KCNN2: variants seen among roughly 807,000 people sequenced by gnomAD.
KCNN2 encodes small conductance calcium-activated potassium channel protein 2.
A neutral mutation model predicts 55.5 loss-of-function variants in KCNN2; 24 were observed. The observed-to-expected ratio is 0.43, with a 90% CI of 0.31 to 0.61. The LOEUF is 0.61. Among genes scored for constraint, KCNN2 ranks in the 20% least tolerant of loss-of-function variants. The pLI, the probability that KCNN2 is intolerant of heterozygous loss-of-function variation, is 0.08. For synonymous variants in KCNN2, 431 were observed against 336.1 expected (o/e 1.28, Z -3.09); for missense variants, 754 against 853.6 (o/e 0.88, Z 1.45).
At chr5:114,490,657 G>A in intron 6 of KCNN2, 2 of 397,884 alleles carry the variant, frequency 5.0e-6, no homozygotes, top group Non-Finnish European at 8.9e-6. Flanking sequence ...CTTTTCTTTT[G>A]TTTTGTCTTT....
chr5:114,289,680 A>G (rs912786911), intron 2 of KCNN2, among the ~76,000 whole-genome samples: 1 of 152,136 alleles, frequency 6.6e-6, no homozygotes, highest in Non-Finnish European at 1.5e-5. Context: ...CCTGGCCTGA[A>G]TCAACTTTTC....
At chr5:114,395,526 T>C (rs1340873203) in intron 2 of KCNN2, among the ~76,000 whole-genome samples, 1 of 152,216 alleles carries the variant, frequency 6.6e-6, no homozygotes, top group Non-Finnish European at 1.5e-5. Context: ...ATATTAGTTC[T>C]TCTCATTACT....
At chr5:114,414,240 G>A (rs1006902734) in intron 3 of KCNN2, among the ~76,000 whole-genome samples, 2 of 152,112 alleles carry the variant, frequency 1.3e-5, no homozygotes, top group Non-Finnish European at 2.9e-5. Context: ...ATATCTTGCT[G>A]AGCTTCGATG....
intron 1 of KCNN2, among the ~76,000 whole-genome samples, chr5:114,194,051 C>G (rs1369348022): frequency 2.6e-5 from 4 of 152,058 alleles, no homozygotes; most frequent in Admixed American, 1.3e-4. Flanking sequence ...TCCCCTTCAT[C>G]CTATTCATCA....
chr5:114,418,382 C>T (rs1561618454), intron 3 of KCNN2, among the ~76,000 whole-genome samples: 1 of 152,210 alleles, frequency 6.6e-6, no homozygotes, highest in African/African-American at 2.4e-5. Context: ...TTCACAGAAA[C>T]GTGACAGGCA....
At chr5:114,393,605 A>G (rs1232185978) in intron 2 of KCNN2, among the ~76,000 whole-genome samples, 1 of 152,104 alleles carries the variant, frequency 6.6e-6, no homozygotes, top group Non-Finnish European at 1.5e-5. Flanking sequence ...TAAATATTAT[A>G]TAATTAAAAG....
chr5:114,409,345 T>G (rs1047241674), intron 3 of KCNN2, among the ~76,000 whole-genome samples: 13 of 152,188 alleles, frequency 8.5e-5, no homozygotes, highest in Non-Finnish European at 1.8e-4. Flanking sequence ...AAAAAAATTG[T>G]TTTTCCGTAA....
chr5:114,352,047 C>T (rs1757214526), intron 2 of KCNN2, among the ~76,000 whole-genome samples: 1 of 151,754 alleles, frequency 6.6e-6, no homozygotes, highest in Non-Finnish European at 1.5e-5. Flanking sequence ...CCAGCGAAGC[C>T]AACAGGGCCT....
intron 1 of KCNN2, among the ~76,000 whole-genome samples, chr5:114,141,557 G>A (rs1487237301): frequency 6.6e-6 from 1 of 152,142 alleles, no homozygotes; most frequent in Non-Finnish European, 1.5e-5. Flanking sequence ...TTGGTTCCAA[G>A]TCTTTGCTAT....
At chr5:114,281,625 CTG>C (rs10579037) in intron 2 of KCNN2, among the ~76,000 whole-genome samples, 81,674 of 145,034 alleles carry the variant, frequency 0.56, 22,835 homozygotes, top group East Asian at 0.82. Flanking sequence ...CCCTCCATCT[CTG>C]TGTGTGTGTG....
At chr5:114,474,892 GAAA>G (rs560628518) in intron 5 of KCNN2, among the ~76,000 whole-genome samples, 1 of 142,466 alleles carries the variant, frequency 7.0e-6, no homozygotes, top group South Asian at 2.2e-4. Flanking sequence ...AATCTTAACA[GAAA>G]AAAAAAAAGT....
intron 1 of KCNN2, among the ~76,000 whole-genome samples, chr5:114,132,687 T>C (rs1425048584): frequency 2.0e-5 from 3 of 152,148 alleles, no homozygotes; most frequent in African/African-American, 7.2e-5. Context: ...ATTGAAATGA[T>C]TGAGGGATAA....
At chr5:114,291,461 T>G (rs895812116) in intron 2 of KCNN2, among the ~76,000 whole-genome samples, 4 of 152,196 alleles carry the variant, frequency 2.6e-5, no homozygotes, top group Admixed American at 2.0e-4. Flanking sequence ...GTCCTTGCAA[T>G]AGTTTGCTGA....
intron 2 of KCNN2, among the ~76,000 whole-genome samples, chr5:114,311,009 G>A (rs758752701): frequency 2.0e-4 from 31 of 152,154 alleles, no homozygotes; most frequent in Admixed American, 4.6e-4. Flanking sequence ...CCTCATACAA[G>A]CCTAGAAATG....
chr5:114,301,937 G>A (rs985725367), intron 2 of KCNN2, among the ~76,000 whole-genome samples: 2 of 152,104 alleles, frequency 1.3e-5, no homozygotes, highest in African/African-American at 4.8e-5. Context: ...AAATCCTTGC[G>A]AGATATGAAT....
intron 5 of KCNN2, 94 bp downstream of exon 5, chr5:114,473,258 A>G (rs1432837207): frequency 1.2e-6 from 1 of 817,106 alleles, no homozygotes; most frequent in Non-Finnish European, 2.0e-6. Context: ...CGAAGCTGAA[A>G]TGACATGGTT....
rs77674101 is a variant in KCNN2, at chr5:114,288,777, T to C, written c.-185+67212T>C. On this transcript the variant is annotated intron_variant, in intron 2 of 10. Transcript: ENST00000512097. ...CTAGAGAATAAACCCTTGTTAGATA[T>C]ATGATTTGCAAATATTTTCACGCAT... Among the ~76,000 whole-genome samples, 253 of 152,304 alleles carry C rather than the reference T, an allele frequency of 1.7e-3. 1 individual carries two copies. The highest frequency in any genetic ancestry group is 5.9e-3 in the African/African-American group (246 of 41,566).
At position 114,456,598 on chromosome 5, in the gene KCNN2, T is replaced by C. The variant is rs182482499; in HGVS notation, c.1638-6451T>C. The stretch of plus-strand genomic sequence containing the variant: ...AAAATACATTTTGTAAGGCTATAGC[T>C]GATGGAGCTAGGCAAAGTAAATTGA... On this transcript the variant is annotated intron_variant, in intron 3 of 7. Transcript: ENST00000673685. Among the ~76,000 whole-genome samples the C allele has an allele frequency of 1.1e-3, 169 of 152,324 alleles. 1 individual carries two copies. The highest frequency in any genetic ancestry group is 3.4e-3 in the Middle Eastern group (1 of 294).
At chr5:114,303,845 T>C (rs907642574) in intron 2 of KCNN2, among the ~76,000 whole-genome samples, 18 of 152,032 alleles carry the variant, frequency 1.2e-4, no homozygotes, top group African/African-American at 4.1e-4. Flanking sequence ...AGTTTGGAAG[T>C]TATTATAGAG....
Sources: gnomAD v4.1 joint callset for allele counts (sites outside exome capture counted in the v4.1 genomes callset) on GRCh38, gnomAD v4.1.1 for gene constraint, MANE v1.5 for transcripts, NCBI Gene and HGNC (gene_info 2026-07-23, HGNC 2026-07-21) for gene names.